Variants in RAB3GAP1 observed in about 807,000 individuals in gnomAD.
RAB3GAP1 encodes the protein rab3 GTPase-activating protein catalytic subunit.
RAB3GAP1 carries 86 observed loss-of-function variants against 130.7 expected under a neutral mutation model. The ratio of observed to expected loss-of-function variants is 0.66; its 90% CI spans 0.55 to 0.79. The LOEUF (loss-of-function observed/expected upper bound fraction) is 0.79, where lower values mean the gene tolerates loss of function less well. Ranked by LOEUF, RAB3GAP1 falls within the 30% of genes least tolerant of loss-of-function variation. The probability of loss-of-function intolerance (pLI) is 0.00; values close to 1 mark genes in which losing one functional copy is unlikely to be tolerated. For synonymous variants in RAB3GAP1, 367 were observed against 401.7 expected, an observed-to-expected ratio of 0.91 and a Z score of 1.03; for missense variants, 1,029 against 1,169.4, an observed-to-expected ratio of 0.88 and a Z score of 1.75.
chr2:135,064,755 G>GTTTTTTT (rs746093269), intron 3 of RAB3GAP1, among the ~76,000 whole-genome samples: 9 of 104,932 alleles, frequency 8.6e-5, no homozygotes, highest in African/African-American at 1.3e-4. Flanking sequence ...GAGGTGTTTT[G>GTTTTTTT]TTTTTTTTTT....
At chr2:135,166,538 G>A (rs575849850) in intron 23 of RAB3GAP1, among the ~76,000 whole-genome samples, 3 of 152,004 alleles carry the variant, frequency 2.0e-5, no homozygotes, top group African/African-American at 7.2e-5. Context: ...TTGTAGGGAC[G>A]GGGTCTCACT....
At chr2:135,131,174 C>A (rs189198942) in intron 13 of RAB3GAP1, among the ~76,000 whole-genome samples, 3 of 152,302 alleles carry the variant, frequency 2.0e-5, no homozygotes, top group African/African-American at 7.2e-5. Context: ...TGGCTTTTAT[C>A]TTGCAGTTTA....
At chr2:135,100,552 A>G (rs997681659) in intron 5 of RAB3GAP1, among the ~76,000 whole-genome samples, 1 of 152,212 alleles carries the variant, frequency 6.6e-6, no homozygotes, top group African/African-American at 2.4e-5. Flanking sequence ...GGCCTGTGTC[A>G]TGTTAGTTTG....
intron 3 of RAB3GAP1, among the ~76,000 whole-genome samples, chr2:135,065,541 A>C (rs1368778827): frequency 6.6e-6 from 1 of 152,184 alleles, no homozygotes; most frequent in Non-Finnish European, 1.5e-5. Context: ...ATGTCATTAG[A>C]ACTTATATGT....
chr2:135,166,903 A>G (rs1350044431), intron 23 of RAB3GAP1, among the ~76,000 whole-genome samples: 1 of 152,206 alleles, frequency 6.6e-6, no homozygotes, highest in Admixed American at 6.5e-5. Context: ...TTGTACATCC[A>G]TCTACATTAT....
chr2:135,055,404 A>C (rs57194235), intron 2 of RAB3GAP1, among the ~76,000 whole-genome samples: 18,968 of 152,208 alleles, frequency 0.12, 1,499 homozygotes, highest in South Asian at 0.32. Flanking sequence ...CTGGCCGGGC[A>C]TGGTGGCTCA....
chr2:135,111,041 T>C (rs1690789030), intron 5 of RAB3GAP1, among the ~76,000 whole-genome samples: 1 of 152,194 alleles, frequency 6.6e-6, no homozygotes, highest in African/African-American at 2.4e-5. Flanking sequence ...ATTATTTTCA[T>C]TATTTTATGC....
Position 135,169,988 on chromosome 2 carries a change from A to C in RAB3GAP1, c.*1207A>C. 1 of 275,082 alleles carries C rather than the reference A, an allele frequency of 3.6e-6. No homozygotes were observed. Among genetic ancestry groups the C allele is most frequent in the Non-Finnish European group, 7.2e-6 (1 of 138,828 alleles). 17.0% of individuals were successfully genotyped at this position (275,082 alleles called of 1,614,324 possible). The stretch of plus-strand genomic sequence containing the variant: ...TGTTATTTTTGTAAAAAAAAAAAAA[A>C]ATACATATCTATATATAATATGTGT... On this transcript the variant is annotated 3_prime_UTR_variant, in exon 24 of 24. Coordinates refer to ENST00000264158, the MANE Select transcript of RAB3GAP1 (RefSeq NM_012233.3).
downstream of RAB3GAP1, among the ~76,000 whole-genome samples, chr2:135,171,284 C>T (rs1025066519): frequency 6.6e-6 from 1 of 152,060 alleles, no homozygotes; most frequent in South Asian, 2.1e-4. Context: ...CAAGTTAGGG[C>T]TTTGCCTTTG....
chr2:135,103,728 G>C (rs556264889), intron 5 of RAB3GAP1, among the ~76,000 whole-genome samples: 1 of 152,076 alleles, frequency 6.6e-6, no homozygotes, highest in African/African-American at 2.4e-5. Flanking sequence ...CTTTGTTGGC[G>C]GGGGAGGGAA....
intron 6 of RAB3GAP1, among the ~76,000 whole-genome samples, chr2:135,114,005 C>T (rs375362131): frequency 6.6e-6 from 1 of 152,176 alleles, no homozygotes; most frequent in Non-Finnish European, 1.5e-5. Flanking sequence ...CCGCCGCGGC[C>T]TTCCAGAATG....
chr2:135,100,021 G>C (rs1690408585), intron 5 of RAB3GAP1, among the ~76,000 whole-genome samples: 1 of 152,090 alleles, frequency 6.6e-6, no homozygotes, highest in South Asian at 2.1e-4. Context: ...TGTGCTTCTG[G>C]AAGCCTAGTT....
At chr2:135,150,123 A>G (rs746155202) in intron 17 of RAB3GAP1, among the ~76,000 whole-genome samples, 4 of 152,194 alleles carry the variant, frequency 2.6e-5, no homozygotes, top group Non-Finnish European at 4.4e-5. Context: ...GTCTTTTACT[A>G]TCAATCCTTG....
At chr2:135,083,131 G>A (rs1689874974) in intron 3 of RAB3GAP1, among the ~76,000 whole-genome samples, 2 of 151,614 alleles carry the variant, frequency 1.3e-5, no homozygotes, top group Admixed American at 1.3e-4. Flanking sequence ...ATCTAAGGAT[G>A]TGGAATCTGC....
intron 17 of RAB3GAP1, among the ~76,000 whole-genome samples, chr2:135,146,199 C>CTTTTTT (rs1173567563): frequency 6.2e-5 from 6 of 96,590 alleles, no homozygotes; most frequent in African/African-American, 1.2e-4. Flanking sequence ...CATATTTGTT[C>CTTTTTT]TTTTTTTTTT....
chr2:135,117,573 T>TCTTCTTCTG (rs1558784375), intron 7 of RAB3GAP1, among the ~76,000 whole-genome samples: 2 of 70,388 alleles, frequency 2.8e-5, no homozygotes, highest in Admixed American at 1.4e-4. Flanking sequence ...TTCTTCTGCT[T>TCTTCTTCTG]CTTCTTCTGC....
chr2:135,093,375 C>CA (rs1428616057), intron 4 of RAB3GAP1, among the ~76,000 whole-genome samples: 3 of 150,942 alleles, frequency 2.0e-5, no homozygotes, highest in African/African-American at 7.3e-5. Flanking sequence ...GACTCAGAAG[C>CA]AAAAAAATAT....
In RAB3GAP1 at chr2:135,135,643, A is replaced by G. The variant is rs757429245; in HGVS notation, c.1634A>G (p.Tyr545Cys). Residue 545 changes from tyrosine to cysteine, a missense_variant, in exon 17 of 24, where the codon TAT becomes TGT. Around this residue, in one of 3 missense-constraint regions of RAB3GAP1, gnomAD observed 373 missense variants for 493.6 expected, o/e 0.76. Transcript: ENST00000264158. ...KTSASDVTNI[Y>C]PGDAGKAGDQ... ...AGTGCTTCAGATGTCACTAATATAT[A>G]TCCAGGGGATGCTGGAAAAGCAGGA... 7.4e-6 allele frequency: 12 copies of G among 1,613,304 alleles called. No individual in the cohort carries two copies. Among genetic ancestry groups the G allele is most frequent in the Non-Finnish European group, 1.0e-5 (12 of 1,179,726 alleles).
intron 7 of RAB3GAP1, among the ~76,000 whole-genome samples, chr2:135,117,821 T>C (rs1406695272): frequency 7.7e-6 from 1 of 130,344 alleles, no homozygotes; most frequent in African/African-American, 3.7e-5. Context: ...TCTTCTTCTT[T>C]CTTCTTCTTC....
Sources: allele counts gnomAD v4.1 joint callset (sites outside exome capture counted in the v4.1 genomes callset), GRCh38; gene constraint gnomAD v4.1.1; regional missense constraint gnomAD v4.1.1; transcripts MANE v1.5; gene names NCBI Gene and HGNC (gene_info 2026-07-23, HGNC 2026-07-21).